VGLL3: variants seen among roughly 807,000 people sequenced by gnomAD.
VGLL3 encodes the protein vestigial like family member 3.
VGLL3 carries 18 observed loss-of-function variants against 29.2 expected under a neutral mutation model. The observed-to-expected ratio is 0.62, with a 90% CI of 0.43 to 0.91. VGLL3 has a LOEUF of 0.91. Among genes scored for constraint, VGLL3 ranks in the 40% least tolerant of loss-of-function variants. The pLI, the probability that VGLL3 is intolerant of heterozygous loss-of-function variation, is 0.00. For synonymous variants in VGLL3, 180 were observed against 151.8 expected, an observed-to-expected ratio of 1.19 and a Z score of -1.36; for missense variants, 440 against 413.2, an observed-to-expected ratio of 1.06 and a Z score of -0.56.
intron 2 of VGLL3, among the ~76,000 whole-genome samples, chr3:86,977,216 G>A (rs1705226904): frequency 6.6e-6 from 1 of 152,084 alleles, no homozygotes; most frequent in African/African-American, 2.4e-5. Context: ...AAAAAAGAAG[G>A]AGAGGAGAGG....
In VGLL3 at chr3:86,944,403, GC is replaced by G. The variant is rs912656485; in HGVS notation, c.*2620del. Reference sequence around the variant, plus strand: ...TGGGACAACAGGTGTGCCCCACAATGCCCAGGTAATTTTTCAGAAATTTTTT... The same window carrying G: ...TGGGACAACAGGTGTGCCCCACAATGCCAGGTAATTTTTCAGAAATTTTTT... On this transcript the variant is annotated 3_prime_UTR_variant, in exon 4 of 4. Transcript: ENST00000398399. The G allele has an allele frequency of 6.6e-6, 1 of 152,286 alleles. No individual in the cohort carries two copies. Among genetic ancestry groups the G allele is most frequent in the African/African-American group, 2.4e-5 (1 of 41,424 alleles). The allele number at this position is 152,286 out of a possible 1,614,324, so 9.4% of individuals were successfully genotyped here.
Position 86,978,616 on chromosome 3 carries a change from G to A in VGLL3, c.313C>T (p.His105Tyr). 1 of 1,614,126 alleles carries A rather than the reference G, an allele frequency of 6.2e-7. No homozygotes were observed. The highest frequency in any genetic ancestry group is 8.5e-7 in the Non-Finnish European group (1 of 1,180,016). ...QGDIGSVVDE[H>Y]FSRALGQAIT... ...GCTTGGCCCAAAGCTCTTGAGAAGT[G>A]TTCATCCACTACTGACCCAATGTCT... Residue 105 changes from histidine (H) to tyrosine (Y), a missense_variant, in exon 2 of 4, where the codon CAC becomes TAC. Physicochemically the swap from His to Tyr is moderately conservative, Grantham distance 83 (BLOSUM62 2). Transcript: ENST00000398399.
Position 86,990,732 on chromosome 3 carries a change from C to A in VGLL3, c.12G>T (p.Ala4=). The change falls in exon 1 of 4, where the codon GCG becomes GCT. Residue 4 remains alanine, a synonymous_variant. Coordinates refer to ENST00000398399, the MANE Select transcript of VGLL3 (RefSeq NM_016206.4). MSC[A]EVMYHPQPYG... The stretch of plus-strand genomic sequence containing the variant: ...AAGGCTGGGGGTGATACATCACCTC[C>A]GCACAACTCATGGCAGCCGGGGCAG... 2 of 1,416,848 alleles carry A rather than the reference C, an allele frequency of 1.4e-6. No individual in the cohort carries two copies. Among genetic ancestry groups the A allele is most frequent in the Admixed American group, 2.9e-5 (1 of 34,980 alleles). 87.8% of individuals were successfully genotyped at this position (1,416,848 alleles called of 1,614,324 possible). A position where few individuals can be genotyped will look rare whatever the true frequency, so the allele number is the denominator to read the frequency against.
At chr3:86,965,492 A>G (rs1015150926) in intron 3 of VGLL3, among the ~76,000 whole-genome samples, 6 of 152,054 alleles carry the variant, frequency 3.9e-5, no homozygotes, top group East Asian at 1.9e-4. Context: ...CTATGCAGAA[A>G]CTTCTGTTCA....
intron 3 of VGLL3, among the ~76,000 whole-genome samples, chr3:86,967,430 T>C (rs1323105405): frequency 3.3e-5 from 5 of 152,104 alleles, no homozygotes; most frequent in African/African-American, 4.8e-5. Flanking sequence ...CCAGTCTCAA[T>C]AGGAAGCTGA....
In VGLL3 at chr3:86,966,773, GTATATATATATATATATATA is replaced by G. The variant is rs55986686; in HGVS notation, c.937+1797_937+1816del. On this transcript the variant is annotated intron_variant, in intron 3 of 3. Coordinates refer to ENST00000398399, the MANE Select transcript of VGLL3 (RefSeq NM_016206.4). ...GAACTTAAAGTAATAGTGTGTGTGTGTATATATATATATATATATATATATATATATATATATATATATAT... is the reference window on the plus strand; with the variant it reads ...GAACTTAAAGTAATAGTGTGTGTGTGTATATATATATATATATATATATAT... Among the ~76,000 whole-genome samples the G allele has an allele frequency of 2.4e-3, 91 of 37,998 alleles. 2 individuals are homozygous for G. The highest frequency in any genetic ancestry group is 5.4e-3 in the South Asian group (4 of 740). 24.9% of individuals were successfully genotyped at this position (37,998 alleles called of 152,430 possible).
At chr3:86,954,525 C>T (rs187320104) in intron 3 of VGLL3, among the ~76,000 whole-genome samples, 26 of 152,290 alleles carry the variant, frequency 1.7e-4, no homozygotes, top group African/African-American at 6.3e-4. Flanking sequence ...TTGGCAAGTA[C>T]TTAAAGCATC....
At position 86,981,335 on chromosome 3, in the gene VGLL3, A is replaced by C. The variant is rs191110679; in HGVS notation, c.127-2533T>G. Among the ~76,000 whole-genome samples, 561 of 152,114 alleles carry C rather than the reference A, an allele frequency of 3.7e-3. 1 individual carries two copies. The highest frequency in any genetic ancestry group is 6.3e-3 in the Non-Finnish European group (425 of 67,940). On this transcript the variant is annotated intron_variant, in intron 1 of 3. Transcript: ENST00000398399. ...GTGTTACTTTTCCTACCAATTTTTC[A>C]ATGGTTGGATAGAAATAAACTAACC...
intron 3 of VGLL3, among the ~76,000 whole-genome samples, chr3:86,952,681 C>T (rs967171288): frequency 6.6e-6 from 1 of 152,066 alleles, no homozygotes; most frequent in Non-Finnish European, 1.5e-5. Context: ...CTATAAGAAC[C>T]TGGTAACATT....
At chr3:86,990,534 C>T in intron 1 of VGLL3, 84 bp downstream of exon 1, 2 of 1,301,802 alleles carry the variant, frequency 1.5e-6, no homozygotes, top group African/African-American at 1.5e-5. Flanking sequence ...CCACGCGTGC[C>T]GGCGGGACGT....
chr3:86,969,052 G>A lies in VGLL3; in HGVS notation c.475C>T (p.Pro159Ser), dbSNP rs1705028661. ...SFWTSSYQPP[P>S]APCLGGVHPD... ...TGAACTCCCCCCAAACAAGGTGCAG[G>A]TGGGGGCTGGTAAGAGCTGGTCCAA... Residue 159 changes from proline (P) to serine (S), a missense_variant, in exon 3 of 4, where the codon CCT becomes TCT. By Grantham distance (74) the Pro-to-Ser change is moderately conservative (BLOSUM62 -1). Coordinates refer to ENST00000398399, the MANE Select transcript of VGLL3 (RefSeq NM_016206.4). 6.2e-7 allele frequency: 1 copy of A among 1,614,062 alleles called. No individual in the cohort carries two copies. The highest frequency in any genetic ancestry group is 1.1e-5 in the South Asian group (1 of 91,068).
In VGLL3 at chr3:86,991,003, C is replaced by G; in HGVS notation, c.-260G>C. The G allele has an allele frequency of 1.1e-6, 1 of 923,904 alleles. No individual in the cohort carries two copies. The allele number at this position is 923,904 out of a possible 1,614,324, so 57.2% of individuals were successfully genotyped here. A position where few individuals can be genotyped will look rare whatever the true frequency, so the allele number is the denominator to read the frequency against. ...TCCCTGCCGCGCTTATATAGCGGCT[C>G]AGGGACGCAGCCGCCCGCTGCGCCG... On this transcript the variant is annotated 5_prime_UTR_variant, in exon 1 of 4. It removes the in-frame stop codon of an upstream open reading frame in the 5' UTR. Coordinates refer to ENST00000398399, the MANE Select transcript of VGLL3 (RefSeq NM_016206.4).
At chr3:86,967,066 A>C (rs1704980616) in intron 3 of VGLL3, among the ~76,000 whole-genome samples, 1 of 151,936 alleles carries the variant, frequency 6.6e-6, no homozygotes, top group African/African-American at 2.4e-5. Flanking sequence ...CAAGTACAAA[A>C]GTAGGCTCTC....
At chr3:86,975,330 C>T (rs1177073991) in intron 2 of VGLL3, among the ~76,000 whole-genome samples, 2 of 151,990 alleles carry the variant, frequency 1.3e-5, no homozygotes, top group Non-Finnish European at 2.9e-5. Context: ...TTTTAATTAT[C>T]GTTTGTGGCT....
intron 1 of VGLL3, among the ~76,000 whole-genome samples, chr3:86,989,812 T>C (rs942192062): frequency 2.5e-4 from 38 of 152,134 alleles, no homozygotes; most frequent in African/African-American, 8.4e-4. Context: ...CAGAGAGTAA[T>C]GTCCAAGGGC....
At chr3:86,961,571 ATGT>A (rs1357132209) in intron 3 of VGLL3, among the ~76,000 whole-genome samples, 12 of 152,122 alleles carry the variant, frequency 7.9e-5, no homozygotes, top group Non-Finnish European at 1.8e-4. Flanking sequence ...GCCTGGTAAT[ATGT>A]TGTACACGAT....
chr3:86,942,237 C>T lies in VGLL3; in HGVS notation c.*4787G>A, dbSNP rs1211633520. The T allele has an allele frequency of 6.6e-6, 1 of 152,074 alleles. No homozygotes were observed. Among genetic ancestry groups the T allele is most frequent in the Non-Finnish European group, 1.5e-5 (1 of 68,012 alleles). The allele number at this position is 152,074 out of a possible 1,614,324, so 9.4% of individuals were successfully genotyped here. On this transcript the variant is annotated 3_prime_UTR_variant, in exon 4 of 4. Transcript: ENST00000398399. ...CTGGCAGGCTGATTTCATTTCTGAT[C>T]CCATACAGTTTCTGCTGTCTTTCCC...
rs1168574756 is a variant in VGLL3 at position 86,940,544 on chromosome 3, T to C, written c.*6480A>G. Reference sequence around the variant, plus strand: ...TGTAATTTCCAAAATATTTATAAGATGCTTAATTGAATAAGGAGGAAACAA... The same window carrying C: ...TGTAATTTCCAAAATATTTATAAGACGCTTAATTGAATAAGGAGGAAACAA... On this transcript the variant is annotated 3_prime_UTR_variant, in exon 4 of 4. Transcript: ENST00000398399. 6.6e-6 allele frequency: 1 copy of C among 152,562 alleles called. No homozygotes were observed. Among genetic ancestry groups the C allele is most frequent in the Non-Finnish European group, 1.5e-5 (1 of 67,988 alleles). The allele number at this position is 152,562 out of a possible 1,614,324, so 9.5% of individuals were successfully genotyped here. A position where few individuals can be genotyped will look rare whatever the true frequency, so the allele number is the denominator to read the frequency against.
chr3:86,960,917 T>C (rs1170398404), intron 3 of VGLL3, among the ~76,000 whole-genome samples: 1 of 138,210 alleles, frequency 7.2e-6, no homozygotes, highest in Non-Finnish European at 1.5e-5. Context: ...TATTAGGTTA[T>C]GCAAAAGTAA....
Sources: allele counts gnomAD v4.1 joint callset (sites outside exome capture counted in the v4.1 genomes callset), GRCh38; gene constraint gnomAD v4.1.1; transcripts MANE v1.5; gene names NCBI Gene and HGNC (gene_info 2026-07-23, HGNC 2026-07-21).